The following YWHAZ variants were observed in gnomAD, a reference collection of about 807,000 sequenced individuals.
YWHAZ encodes 14-3-3 protein zeta/delta.
For missense variants in YWHAZ, 79 were observed against 284.8 expected, an observed-to-expected ratio of 0.28 and a Z score of 5.20; for synonymous variants, 87 against 103.6, an observed-to-expected ratio of 0.84 and a Z score of 0.97.
chr8:100,925,583 C>CA (rs1366572220), intron 2 of YWHAZ, among the ~76,000 whole-genome samples: 1 of 152,098 alleles, frequency 6.6e-6, no homozygotes, highest in Non-Finnish European at 1.5e-5. Context: ...AAAAACCGTT[C>CA]AAAAGTTTTA....
intron 2 of YWHAZ, among the ~76,000 whole-genome samples, chr8:100,937,993 G>T (rs531143301): frequency 2.0e-3 from 306 of 152,282 alleles, no homozygotes; most frequent in Non-Finnish European, 3.4e-3. Context: ...AGCTGGGCGT[G>T]GTGGCGCATG....
chr8:100,946,867 A>G (rs1250552447), intron 2 of YWHAZ, among the ~76,000 whole-genome samples: 1 of 150,582 alleles, frequency 6.6e-6, no homozygotes, highest in Admixed American at 6.6e-5. Flanking sequence ...ATACACAGAT[A>G]TTAGTTAGTA....
rs981719396 is a variant in YWHAZ at position 100,918,170 on chromosome 8, C to G, written c.*2523G>C. The G allele has an allele frequency of 4.6e-5, 7 of 151,276 alleles. No homozygotes were observed. The highest frequency in any genetic ancestry group is 8.8e-5 in the Non-Finnish European group (6 of 67,852). 9.4% of individuals were successfully genotyped at this position (151,276 alleles called of 1,614,324 possible). On this transcript the variant is annotated 3_prime_UTR_variant, in exon 6 of 6. Transcript: ENST00000395958. ...CCAGCCTGGACAACATGGTGAAACC[C>G]TGTCTCTACTAAAAACACAAAAATT...
chr8:100,937,911 AC>A (rs1241034156), intron 2 of YWHAZ, among the ~76,000 whole-genome samples: 1 of 152,214 alleles, frequency 6.6e-6, no homozygotes, highest in Non-Finnish European at 1.5e-5. Context: ...CAGGAGGATG[AC>A]CTGAGGTCAG....
intron 2 of YWHAZ, among the ~76,000 whole-genome samples, chr8:100,940,066 A>AC (rs1037460741): frequency 2.7e-5 from 4 of 147,862 alleles, no homozygotes; most frequent in Non-Finnish European, 6.1e-5. Context: ...CCGTCTCAAA[A>AC]AAAAAAAAAA....
intron 1 of YWHAZ, among the ~76,000 whole-genome samples, chr8:100,950,067 A>G (rs1810594200): frequency 6.6e-6 from 1 of 152,134 alleles, no homozygotes; most frequent in Admixed American, 6.6e-5. Context: ...ATCCCACAAT[A>G]TTTTTTTAAC....
intron 2 of YWHAZ, among the ~76,000 whole-genome samples, chr8:100,947,794 T>C (rs1437696370): frequency 6.6e-6 from 1 of 152,220 alleles, no homozygotes; most frequent in Non-Finnish European, 1.5e-5. Flanking sequence ...CCTTCCATAC[T>C]GGTTAAGTGT....
rs1813221232 is a variant in YWHAZ at position 100,924,385 on chromosome 8, C to G, written c.419-87G>C. The G allele has an allele frequency of 7.6e-7, 1 of 1,318,744 alleles. No individual in the cohort carries two copies. Among genetic ancestry groups the G allele is most frequent in the Non-Finnish European group, 1.0e-6 (1 of 969,188 alleles). 81.7% of individuals were successfully genotyped at this position (1,318,744 alleles called of 1,614,324 possible). A position where few individuals can be genotyped will look rare whatever the true frequency, so the allele number is the denominator to read the frequency against. On this transcript the variant is annotated intron_variant, in intron 3 of 5. Transcript: ENST00000395958. This position sits in a 1 kb window ranked among gnomAD's most constrained non-coding sequence, Gnocchi z 5.7. ...CCAAACCTTTAATATCTCACATATC[C>G]TTTGAAATACTAACCTGTAACAGCT...
intron 2 of YWHAZ, among the ~76,000 whole-genome samples, chr8:100,934,371 A>G (rs1249590702): frequency 6.7e-6 from 1 of 150,160 alleles, no homozygotes. Flanking sequence ...AAGTTGCTAC[A>G]TACCCAAATA....
rs1462807245 is a variant in YWHAZ at position 100,919,352 on chromosome 8, T to C, written c.*1341A>G. 6.6e-6 allele frequency: 1 copy of C among 152,656 alleles called. No homozygotes were observed. 9.5% of individuals were successfully genotyped at this position (152,656 alleles called of 1,614,324 possible). ...TTACAGTTAATGCTACCCAATGTCA[T>C]GATGGGCCAAGAACATTGTGGCTTC... On this transcript the variant is annotated 3_prime_UTR_variant, in exon 6 of 6. Transcript: ENST00000395958.
At chr8:100,941,316 G>A (rs1346339261) in intron 2 of YWHAZ, among the ~76,000 whole-genome samples, 1 of 152,196 alleles carries the variant, frequency 6.6e-6, no homozygotes, top group Non-Finnish European at 1.5e-5. Context: ...AAAATTATAA[G>A]CTGAGTGTTC....
Position 100,942,679 on chromosome 8 carries a change from G to A in YWHAZ, c.294+5917C>T, listed in dbSNP as rs529120583. Among the ~76,000 whole-genome samples, 6 of 152,312 alleles carry A rather than the reference G, an allele frequency of 3.9e-5. No homozygotes were observed. In the South Asian group the frequency reaches 1.2e-3, roughly 32 times the overall value. On this transcript the variant is annotated intron_variant, in intron 2 of 5. Coordinates refer to ENST00000395958, the MANE Select transcript of YWHAZ (RefSeq NM_145690.3). ...CAGAAACCCTCAGGCCATAAAGATG[G>A]TAATTAGCAACAGTTTGTATCAGGG...
At chr8:100,923,842 A>T in intron 5 of YWHAZ, 113 bp downstream of exon 5, 1 of 750,846 alleles carries the variant, frequency 1.3e-6, no homozygotes, top group Non-Finnish European at 2.1e-6. Flanking sequence ...GAGCCTATGA[A>T]ATGTGTTGAG....
At chr8:100,936,974 A>G (rs949887555) in intron 2 of YWHAZ, among the ~76,000 whole-genome samples, 1 of 152,224 alleles carries the variant, frequency 6.6e-6, no homozygotes, top group African/African-American at 2.4e-5. Flanking sequence ...AGCAAAATGC[A>G]AAGTGTAATT....
chr8:100,948,252 T>C lies in YWHAZ; in HGVS notation c.294+344A>G. ...TATGTAAAATTCCTTTATCCACAGA[T>C]GTACATTTAAGATAACCAGCTATAG... On this transcript the variant is annotated intron_variant, in intron 2 of 5. Transcript: ENST00000395958. The surrounding 1 kb of genome is among the most constrained non-coding windows in gnomAD (Gnocchi z 4.2). The C allele has an allele frequency of 1.0e-6, 1 of 983,634 alleles. No individual in the cohort carries two copies. The highest frequency in any genetic ancestry group is 1.4e-6 in the Non-Finnish European group (1 of 694,202). The allele number at this position is 983,634 out of a possible 1,614,324, so 60.9% of individuals were successfully genotyped here. A position where few individuals can be genotyped will look rare whatever the true frequency, so the allele number is the denominator to read the frequency against.
upstream of YWHAZ, chr8:100,952,759 C>T (rs1340714336): frequency 2.0e-6 from 2 of 989,684 alleles, no homozygotes; most frequent in Non-Finnish European, 2.4e-6. Context: ...TGGTGCGCTG[C>T]CCCCCGCCCC....
intron 2 of YWHAZ, among the ~76,000 whole-genome samples, chr8:100,944,009 A>G (rs1191835260): frequency 2.0e-5 from 3 of 151,896 alleles, no homozygotes; most frequent in Non-Finnish European, 4.4e-5. Flanking sequence ...AAAAAAGAAA[A>G]AAAGAAAAAA....
Position 100,924,083 on chromosome 8 carries a change from T to C in YWHAZ, c.583-33A>G, listed in dbSNP as rs757036401. The C allele has an allele frequency of 6.2e-7, 1 of 1,607,776 alleles. No homozygotes were observed. Among genetic ancestry groups the C allele is most frequent in the Non-Finnish European group, 8.5e-7 (1 of 1,178,048 alleles). ...TTAAAAATAGTACATTACATTTCAG[T>C]GCTCAAATAATAAAGACTGCTAAAT... On this transcript the variant is annotated intron_variant, in intron 4 of 5. Transcript: ENST00000395958. The surrounding 1 kb of genome is among the most constrained non-coding windows in gnomAD (Gnocchi z 5.7).
intron 2 of YWHAZ, among the ~76,000 whole-genome samples, chr8:100,933,242 C>T (rs1021223308): frequency 1.3e-5 from 2 of 151,910 alleles, no homozygotes; most frequent in African/African-American, 4.8e-5. Context: ...GCCTATAATC[C>T]CAGCTACTCG....
Sources: gnomAD v4.1 joint callset for allele counts (sites outside exome capture counted in the v4.1 genomes callset) on GRCh38, gnomAD v4.1.1 for gene constraint, Gnocchi (gnomAD v3.1) non-coding constraint, MANE v1.5 for transcripts, NCBI Gene and HGNC (gene_info 2026-07-23, HGNC 2026-07-21) for gene names.